KCNU1: variants seen among roughly 807,000 people sequenced by gnomAD.
KCNU1 encodes the protein potassium calcium-activated channel subfamily U member 1.
A neutral mutation model predicts 126.8 loss-of-function variants in KCNU1; 93 were observed. That is an observed-to-expected ratio of 0.73 (90% CI 0.62 to 0.87). KCNU1 has a LOEUF of 0.87. Ranked by LOEUF, KCNU1 falls within the 40% of genes least tolerant of loss-of-function variation. The probability of loss-of-function intolerance (pLI) is 0.00; values close to 1 mark genes in which losing one functional copy is unlikely to be tolerated. For synonymous variants in KCNU1, 523 were observed against 494.2 expected (o/e 1.06, Z -0.77); for missense variants, 1,330 against 1,367.1 (o/e 0.97, Z 0.43).
chr8:36,818,832 C>T (rs567042622), intron 10 of KCNU1, among the ~76,000 whole-genome samples: 59 of 152,290 alleles, frequency 3.9e-4, no homozygotes, highest in Admixed American at 3.3e-3. Flanking sequence ...CAGTTTGAAG[C>T]ACTCTATGAT....
At chr8:36,853,069 G>T (rs1198077375) in intron 18 of KCNU1, among the ~76,000 whole-genome samples, 1 of 152,148 alleles carries the variant, frequency 6.6e-6, no homozygotes, top group Non-Finnish European at 1.5e-5. Flanking sequence ...AAACTAGGCT[G>T]CCAGGTGCGG....
At chr8:36,813,140 G>A (rs1803784819) in intron 7 of KCNU1, among the ~76,000 whole-genome samples, 1 of 152,144 alleles carries the variant, frequency 6.6e-6, no homozygotes, top group Non-Finnish European at 1.5e-5. Context: ...TCAGCCATAA[G>A]ACTTAAGAAC....
rs117865460 is a variant in KCNU1, at chr8:36,921,060, C to T, written c.2597-1430C>T. 1.3e-3 allele frequency among the ~76,000 whole-genome samples: 203 copies of T among 152,226 alleles called. 5 individuals are homozygous for T. In the East Asian group the frequency reaches 0.029, roughly 22 times the overall value. ...GGAGAGTCTAAGGCTATCCTATTTGCAAACCAACAAGTGCACCTACCCCAG... is the reference window on the plus strand; with the variant it reads ...GGAGAGTCTAAGGCTATCCTATTTGTAAACCAACAAGTGCACCTACCCCAG... On this transcript the variant is annotated intron_variant, in intron 23 of 26. Coordinates refer to ENST00000399881, the MANE Select transcript of KCNU1 (RefSeq NM_001031836.3).
At chr8:36,846,011 G>C in intron 18 of KCNU1, 112 bp downstream of exon 18, 1 of 668,394 alleles carries the variant, frequency 1.5e-6, no homozygotes, top group Non-Finnish European at 2.6e-6. Flanking sequence ...ACTTGGCCAG[G>C]AAGTGGCAGA....
intron 19 of KCNU1, among the ~76,000 whole-genome samples, chr8:36,872,754 T>C (rs1484842796): frequency 1.3e-5 from 2 of 152,210 alleles, no homozygotes; most frequent in Non-Finnish European, 2.9e-5. Context: ...AATATTAAAA[T>C]TCTGCATTTG....
At chr8:36,829,210 G>A (rs938875780) in intron 10 of KCNU1, among the ~76,000 whole-genome samples, 15 of 151,814 alleles carry the variant, frequency 9.9e-5, no homozygotes, top group African/African-American at 3.4e-4. Context: ...TCTTCTTTCA[G>A]TTTATAATTT....
At chr8:36,895,880 A>C (rs1228686836) in intron 19 of KCNU1, among the ~76,000 whole-genome samples, 1 of 152,106 alleles carries the variant, frequency 6.6e-6, no homozygotes, top group Admixed American at 6.6e-5. Context: ...GAATCTAATA[A>C]AATTCTATAA....
At chr8:36,815,991 C>T (rs954386601) in intron 9 of KCNU1, among the ~76,000 whole-genome samples, 6 of 152,232 alleles carry the variant, frequency 3.9e-5, no homozygotes, top group African/African-American at 1.4e-4. Context: ...TTCCTTTCCA[C>T]TAACTTCTCC....
chr8:36,800,847 G>T (rs1324891338), intron 2 of KCNU1, among the ~76,000 whole-genome samples: 4 of 152,242 alleles, frequency 2.6e-5, no homozygotes, highest in Non-Finnish European at 5.9e-5. Context: ...TGGAAGGAAA[G>T]AAAACTGCAG....
intron 19 of KCNU1, among the ~76,000 whole-genome samples, chr8:36,879,661 A>G (rs1806402834): frequency 6.6e-6 from 1 of 152,178 alleles, no homozygotes; most frequent in Non-Finnish European, 1.5e-5. Flanking sequence ...GAATGCTTCA[A>G]CAGCTGGCAT....
chr8:36,885,783 ACT>A (rs1301077393), intron 19 of KCNU1, among the ~76,000 whole-genome samples: 2 of 151,940 alleles, frequency 1.3e-5, no homozygotes, highest in Non-Finnish European at 2.9e-5. Context: ...ACAGAGCAAG[ACT>A]CTGTCTAAAA....
At chr8:36,803,014 A>G (rs1345391756) in intron 2 of KCNU1, among the ~76,000 whole-genome samples, 1 of 152,198 alleles carries the variant, frequency 6.6e-6, no homozygotes, top group African/African-American at 2.4e-5. Context: ...TCATGCCCAG[A>G]GAGCCGCAGG....
chr8:36,891,435 A>T (rs1448464669), intron 19 of KCNU1, among the ~76,000 whole-genome samples: 1 of 152,028 alleles, frequency 6.6e-6, no homozygotes, highest in Non-Finnish European at 1.5e-5. Flanking sequence ...GTCAGACAAG[A>T]TAATACAAAA....
At chr8:36,796,822 T>C (rs1160764286) in intron 2 of KCNU1, among the ~76,000 whole-genome samples, 2 of 152,344 alleles carry the variant, frequency 1.3e-5, no homozygotes, top group East Asian at 3.9e-4. Flanking sequence ...TTGTGTTGTA[T>C]TAAAAATACA....
intron 10 of KCNU1, among the ~76,000 whole-genome samples, chr8:36,830,227 T>C (rs985893251): frequency 6.6e-6 from 1 of 151,424 alleles, no homozygotes; most frequent in Non-Finnish European, 1.5e-5. Context: ...AATAGTATAA[T>C]TATTGCTGAG....
chr8:36,804,572 C>T (rs1454946426), intron 3 of KCNU1, among the ~76,000 whole-genome samples: 1 of 152,212 alleles, frequency 6.6e-6, no homozygotes, highest in Non-Finnish European at 1.5e-5. Flanking sequence ...CCTCTGAAAG[C>T]ATCCCCTCCT....
intron 23 of KCNU1, among the ~76,000 whole-genome samples, chr8:36,919,247 C>T (rs1483049939): frequency 1.3e-5 from 2 of 151,968 alleles, no homozygotes; most frequent in African/African-American, 2.4e-5. Context: ...CACAGGACTT[C>T]GGGTCAGATG....
intron 18 of KCNU1, among the ~76,000 whole-genome samples, chr8:36,851,558 T>C (rs1176832182): frequency 6.6e-6 from 1 of 152,150 alleles, no homozygotes; most frequent in African/African-American, 2.4e-5. Context: ...GGCAGTTCTT[T>C]ATAGCAGTGT....
At chr8:36,828,678 C>A (rs1386398722) in intron 10 of KCNU1, among the ~76,000 whole-genome samples, 1 of 152,010 alleles carries the variant, frequency 6.6e-6, no homozygotes, top group Non-Finnish European at 1.5e-5. Context: ...CTATATTTTG[C>A]AATTGGAAAT....
Sources: allele counts gnomAD v4.1 joint callset (sites outside exome capture counted in the v4.1 genomes callset), GRCh38; gene constraint gnomAD v4.1.1; transcripts MANE v1.5; gene names NCBI Gene and HGNC (gene_info 2026-07-23, HGNC 2026-07-21).